The following JMJD1C variants were observed in gnomAD, a reference collection of about 807,000 sequenced individuals.
The protein encoded by JMJD1C is jumonji domain containing 1C, also known as jumonji domain-containing protein 1C.
JMJD1C carries 31 observed loss-of-function variants against 245.3 expected under a neutral mutation model. The ratio of observed to expected loss-of-function variants is 0.13; its 90% CI spans 0.09 to 0.17. The LOEUF (loss-of-function observed/expected upper bound fraction) is 0.17, where lower values mean the gene tolerates loss of function less well. JMJD1C is among the 10% of genes least tolerant of loss of function. JMJD1C has a pLI of 1.00. For synonymous variants in JMJD1C, 1,057 were observed against 1,017.4 expected, an observed-to-expected ratio of 1.04 and a Z score of -0.74; for missense variants, 2,691 against 3,000.2, an observed-to-expected ratio of 0.90 and a Z score of 2.41.
intron 2 of JMJD1C, among the ~76,000 whole-genome samples, chr10:63,270,332 A>G (rs1379766691): frequency 6.6e-6 from 1 of 151,924 alleles, no homozygotes; most frequent in African/African-American, 2.4e-5. Context: ...AAGCCCAGCT[A>G]ATTTTTGTAT....
intron 1 of JMJD1C, among the ~76,000 whole-genome samples, chr10:63,448,663 AG>A (rs1208998389): frequency 6.6e-6 from 1 of 152,244 alleles, no homozygotes; most frequent in Non-Finnish European, 1.5e-5. Flanking sequence ...CTAGAGAAAT[AG>A]AAATAAAGCA....
At chr10:63,384,376 C>T (rs765963446) in intron 1 of JMJD1C, among the ~76,000 whole-genome samples, 40 of 152,158 alleles carry the variant, frequency 2.6e-4, no homozygotes, top group Non-Finnish European at 1.2e-4. Flanking sequence ...CTATCTCTGG[C>T]AGCTATAGCT....
intron 1 of JMJD1C, among the ~76,000 whole-genome samples, chr10:63,413,985 C>CTTTT (rs397846162): frequency 7.6e-6 from 1 of 132,032 alleles, no homozygotes; most frequent in African/African-American, 3.0e-5. Flanking sequence ...GCTATCAATA[C>CTTTT]TTTTTTTTTT....
chr10:63,365,234 A>G (rs1230560090), intron 2 of JMJD1C, among the ~76,000 whole-genome samples: 3 of 152,138 alleles, frequency 2.0e-5, no homozygotes, highest in African/African-American at 7.2e-5. Context: ...CATTTGTCCC[A>G]TTTTTATAAA....
At chr10:63,312,430 T>A (rs763689285) in intron 2 of JMJD1C, among the ~76,000 whole-genome samples, 2 of 152,110 alleles carry the variant, frequency 1.3e-5, no homozygotes, top group African/African-American at 2.4e-5. Context: ...ATTAAACATA[T>A]CTGTGTGCTG....
In JMJD1C at chr10:63,207,130, T is replaced by A. The variant is rs766518662; in HGVS notation, c.4539A>T (p.Ser1513=). The change falls in exon 10 of 26, where the codon TCA becomes TCT. Residue 1513 remains serine (S), a synonymous_variant. Coordinates refer to ENST00000399262, the MANE Select transcript of JMJD1C (RefSeq NM_032776.3). ...EPNAIKNQTL[S]ASLPLDSTVI... is the part of the protein sequence containing the mutation. Reference sequence around the variant, plus strand: ...CAGTGCTATCCAGAGGAAGGGAGGCTGAAAGTGTCTGATTTTTTATAGCAT... The same window carrying A: ...CAGTGCTATCCAGAGGAAGGGAGGCAGAAAGTGTCTGATTTTTTATAGCAT... 2 of 1,614,090 alleles carry A rather than the reference T, an allele frequency of 1.2e-6. No individual in the cohort carries two copies. The highest frequency in any genetic ancestry group is 1.7e-6 in the Non-Finnish European group (2 of 1,180,032).
At chr10:63,497,105 CAGA>C (rs1309017314) in intron 1 of JMJD1C, among the ~76,000 whole-genome samples, 2 of 152,054 alleles carry the variant, frequency 1.3e-5, no homozygotes, top group South Asian at 4.1e-4. Flanking sequence ...ATATTATTCA[CAGA>C]AGATTTTTTC....
At chr10:63,393,975 G>A (rs774105728) in intron 1 of JMJD1C, among the ~76,000 whole-genome samples, 6 of 152,092 alleles carry the variant, frequency 3.9e-5, no homozygotes, top group Non-Finnish European at 8.8e-5. Context: ...GAGGTCGAGA[G>A]GAGTTCGAGA....
chr10:63,391,371 A>G (rs1216381476), intron 1 of JMJD1C, among the ~76,000 whole-genome samples: 2 of 151,990 alleles, frequency 1.3e-5, no homozygotes, highest in South Asian at 2.1e-4. Context: ...TTAGCTGGGC[A>G]TGGTGGCGGG....
chr10:63,409,185 G>A (rs972627672), intron 1 of JMJD1C, among the ~76,000 whole-genome samples: 19 of 152,098 alleles, frequency 1.2e-4, no homozygotes, highest in Admixed American at 9.8e-4. Flanking sequence ...CATTTCAAAA[G>A]CACAGTCATT....
chr10:63,311,136 C>G (rs1315432036), intron 2 of JMJD1C, among the ~76,000 whole-genome samples: 1 of 150,856 alleles, frequency 6.6e-6, no homozygotes, highest in Non-Finnish European at 1.5e-5. Flanking sequence ...CTTGGAAGGC[C>G]GAGGCAGGCA....
chr10:63,481,837 G>A (rs892481907), intron 1 of JMJD1C, among the ~76,000 whole-genome samples: 1 of 152,156 alleles, frequency 6.6e-6, no homozygotes, highest in African/African-American at 2.4e-5. Flanking sequence ...GTGGAAGAGA[G>A]GAGAAGAGAA....
In JMJD1C at chr10:63,465,789, A is replaced by G. The variant is rs763650114; in HGVS notation, c.-127T>C. The G allele has an allele frequency of 8.7e-7, 1 of 1,155,532 alleles. No homozygotes were observed. The highest frequency in any genetic ancestry group is 1.3e-5 in the South Asian group (1 of 76,850). 71.6% of individuals were successfully genotyped at this position (1,155,532 alleles called of 1,614,324 possible). On this transcript the variant is annotated 5_prime_UTR_variant, in exon 1 of 26. Transcript: ENST00000399262. ...CAGCAGCGGACCCGAAAGAGCGCAG[A>G]CTCGGGACGAACCGGCCGCTCTGCC... is the stretch of plus-strand genomic sequence containing the variant.
intron 2 of JMJD1C, among the ~76,000 whole-genome samples, chr10:63,320,548 C>G (rs1343166192): frequency 6.6e-6 from 1 of 152,166 alleles, no homozygotes; most frequent in East Asian, 1.9e-4. Context: ...CAGCAGAAAA[C>G]TACAATCTCT....
At chr10:63,297,582 G>C (rs909090117) in intron 2 of JMJD1C, among the ~76,000 whole-genome samples, 2 of 152,174 alleles carry the variant, frequency 1.3e-5, no homozygotes, top group Non-Finnish European at 2.9e-5. Flanking sequence ...GGTGTGGGTG[G>C]TAACATGCTC....
At chr10:63,386,091 CAG>C (rs1281684796) in intron 1 of JMJD1C, among the ~76,000 whole-genome samples, 1 of 150,828 alleles carries the variant, frequency 6.6e-6, no homozygotes, top group Non-Finnish European at 1.5e-5. Context: ...CACACATACA[CAG>C]ACACACACAC....
At chr10:63,290,144 A>T (rs1417158473) in intron 2 of JMJD1C, among the ~76,000 whole-genome samples, 1 of 152,198 alleles carries the variant, frequency 6.6e-6, no homozygotes, top group East Asian at 1.9e-4. Flanking sequence ...TGAAAAAAAC[A>T]AACCTTAAAG....
chr10:63,491,286 A>AAG (rs1954168227), intron 1 of JMJD1C, among the ~76,000 whole-genome samples: 1 of 151,972 alleles, frequency 6.6e-6, no homozygotes, highest in African/African-American at 2.4e-5. Context: ...TTAACTACTG[A>AAG]CTCTTTTCTC....
At chr10:63,331,362 C>T (rs560834383) in intron 2 of JMJD1C, among the ~76,000 whole-genome samples, 165 of 152,306 alleles carry the variant, frequency 1.1e-3, no homozygotes, top group Non-Finnish European at 2.1e-3. Flanking sequence ...ACTTCAATAT[C>T]CTCGTCCTAC....
Sources: gnomAD v4.1 joint callset for allele counts (sites outside exome capture counted in the v4.1 genomes callset) on GRCh38, gnomAD v4.1.1 for gene constraint, MANE v1.5 for transcripts, NCBI Gene and HGNC (gene_info 2026-07-23, HGNC 2026-07-21) for gene names.